Variants in LHFPL7 observed in about 807,000 individuals in gnomAD.
LHFPL7 encodes the protein LHFPL tetraspan subfamily member 7 protein.
the LHFPL7 span, among the ~76,000 whole-genome samples, chr22:24,938,922 T>C: frequency 3.3e-5 from 5 of 152,354 alleles, no homozygotes; most frequent in African/African-American, 1.2e-4. Context: ...ATCATAGATT[T>C]GCAAACTGAT....
the LHFPL7 span, chr22:24,938,379 C>A: frequency 6.2e-7 from 1 of 1,603,416 alleles, no homozygotes; most frequent in Non-Finnish European, 8.5e-7. Context: ...AAGGAAGAGA[C>A]AGAAGGAAGG....
the LHFPL7 span, among the ~76,000 whole-genome samples, chr22:24,944,579 G>C: frequency 3.3e-5 from 5 of 152,184 alleles, no homozygotes; most frequent in South Asian, 6.2e-4. Flanking sequence ...GCAGAGATAA[G>C]GTCTTGCTCT....
the LHFPL7 span, chr22:24,938,302 C>G: frequency 6.2e-7 from 1 of 1,613,982 alleles, no homozygotes; most frequent in Non-Finnish European, 8.5e-7. Context: ...AGGGAAGAGA[C>G]AGGAGGAAAA....
chr22:24,938,715 G>A, the LHFPL7 span, among the ~76,000 whole-genome samples: 1 of 152,174 alleles, frequency 6.6e-6, no homozygotes, highest in African/African-American at 2.4e-5. Flanking sequence ...CAATTTTGAA[G>A]GCTGTATATT....
At chr22:24,938,829 T>A in the LHFPL7 span, among the ~76,000 whole-genome samples, 1 of 152,226 alleles carries the variant, frequency 6.6e-6, no homozygotes, top group African/African-American at 2.4e-5. Context: ...CTTTCATTTT[T>A]AAACCTAGCA....
At chr22:24,938,237 T>C in the LHFPL7 span, 2 of 1,613,964 alleles carry the variant, frequency 1.2e-6, no homozygotes, top group Non-Finnish European at 1.7e-6. Context: ...GGAGGAAAAT[T>C]GCATTGAAGG....
At chr22:24,936,989 C>A in the LHFPL7 span, among the ~76,000 whole-genome samples, 282 of 151,968 alleles carry the variant, frequency 1.9e-3, 1 homozygote, top group Non-Finnish European at 1.3e-3. Flanking sequence ...ATTGACTCAG[C>A]AAATGTTTAT....
At chr22:24,943,510 T>C in the LHFPL7 span, among the ~76,000 whole-genome samples, 1 of 152,150 alleles carries the variant, frequency 6.6e-6, no homozygotes, top group Non-Finnish European at 1.5e-5. Context: ...GTCTAAGCAC[T>C]TGCATAGGTA....
At chr22:24,946,364 C>T in the LHFPL7 span, among the ~76,000 whole-genome samples, 614 of 152,180 alleles carry the variant, frequency 4.0e-3, 1 homozygote, top group African/African-American at 0.014. Flanking sequence ...GATGTTTCCA[C>T]GTGCACTCTC....
the LHFPL7 span, among the ~76,000 whole-genome samples, chr22:24,936,623 C>T: frequency 6.6e-6 from 1 of 152,308 alleles, no homozygotes; most frequent in South Asian, 2.1e-4. Context: ...TTGCTGCTCT[C>T]CAGCCACCCT....
At chr22:24,944,378 G>A in the LHFPL7 span, among the ~76,000 whole-genome samples, 3 of 152,130 alleles carry the variant, frequency 2.0e-5, no homozygotes, top group African/African-American at 7.2e-5. Flanking sequence ...CCATGAGAAG[G>A]TGACCTTTGA....
At chr22:24,938,225 C>G in the LHFPL7 span, 5 of 1,614,012 alleles carry the variant, frequency 3.1e-6, no homozygotes, top group Admixed American at 6.7e-5. Context: ...CAGCCCAAGA[C>G]AGGAGGAAAA....
the LHFPL7 span, among the ~76,000 whole-genome samples, chr22:24,944,089 T>C: frequency 6.6e-6 from 1 of 152,042 alleles, no homozygotes; most frequent in Admixed American, 6.5e-5. Flanking sequence ...ACCAACAAAA[T>C]ATAGCAATAT....
At chr22:24,939,000 G>C in the LHFPL7 span, among the ~76,000 whole-genome samples, 1 of 152,194 alleles carries the variant, frequency 6.6e-6, no homozygotes, top group Non-Finnish European at 1.5e-5. Flanking sequence ...TAATTTGCAC[G>C]AAGGTGCTAC....
the LHFPL7 span, among the ~76,000 whole-genome samples, chr22:24,937,509 C>G: frequency 1.4e-3 from 206 of 152,226 alleles, 1 homozygote; most frequent in East Asian, 0.033. Flanking sequence ...GTGGATAAGC[C>G]AGTCTGAGTG....
the LHFPL7 span, among the ~76,000 whole-genome samples, chr22:24,936,835 T>A: frequency 6.6e-6 from 1 of 152,112 alleles, no homozygotes; most frequent in South Asian, 2.1e-4. Flanking sequence ...GGTCAGGTGT[T>A]TCCTGGAGTT....
At chr22:24,940,640 T>C in the LHFPL7 span, among the ~76,000 whole-genome samples, 1 of 93,578 alleles carries the variant, frequency 1.1e-5, no homozygotes, top group African/African-American at 5.2e-5. Context: ...TGCCCGCCCT[T>C]CCTTCCTTCC....
chr22:24,939,075 A>T, the LHFPL7 span, among the ~76,000 whole-genome samples: 15 of 152,064 alleles, frequency 9.9e-5, no homozygotes, highest in Non-Finnish European at 1.8e-4. Flanking sequence ...GCCGGACCCC[A>T]CTCCACGCCT....
chr22:24,935,602 A>G, the LHFPL7 span: 3 of 1,607,244 alleles, frequency 1.9e-6, no homozygotes, highest in South Asian at 3.3e-5. Flanking sequence ...GTAGCTGGAG[A>G]TAGCAGGAAG....
Sources: gnomAD v4.1 joint callset for allele counts (sites outside exome capture counted in the v4.1 genomes callset) on GRCh38, gnomAD v4.1.1 for gene constraint, MANE v1.5 for transcripts, NCBI Gene and HGNC (gene_info 2026-07-23, HGNC 2026-07-21) for gene names.